DNAJC5B: variants seen among roughly 807,000 people sequenced by gnomAD.
DNAJC5B encodes dnaJ homolog subfamily C member 5B.
In DNAJC5B, 23 loss-of-function variants were observed where a neutral mutation model predicts 24.7. That is an observed-to-expected ratio of 0.93 (90% CI 0.67 to 1.32). The LOEUF (loss-of-function observed/expected upper bound fraction) is 1.32. Among genes scored for constraint, DNAJC5B ranks in the 40% most tolerant of loss-of-function variants. DNAJC5B has a pLI of 0.00. For synonymous variants in DNAJC5B, 101 were observed against 90.1 expected, an observed-to-expected ratio of 1.12 and a Z score of -0.68; for missense variants, 238 against 240.8, an observed-to-expected ratio of 0.99 and a Z score of 0.08.
At chr8:66,054,123 T>A (rs1211412831) in intron 3 of DNAJC5B, among the ~76,000 whole-genome samples, 1 of 152,064 alleles carries the variant, frequency 6.6e-6, no homozygotes, top group Non-Finnish European at 1.5e-5. Flanking sequence ...TAACACATAT[T>A]TTCAATTACT....
At chr8:66,063,743 A>G (rs1807132464) in intron 3 of DNAJC5B, among the ~76,000 whole-genome samples, 1 of 152,198 alleles carries the variant, frequency 6.6e-6, no homozygotes, top group Admixed American at 6.5e-5. Flanking sequence ...TTGGATAATT[A>G]TTTATATTAT....
At chr8:66,079,309 G>A (rs1168611351) in intron 4 of DNAJC5B, among the ~76,000 whole-genome samples, 1 of 152,168 alleles carries the variant, frequency 6.6e-6, no homozygotes, top group South Asian at 2.1e-4. Flanking sequence ...AAGATGACTA[G>A]CTGACAGTGC....
At chr8:66,045,576 T>C (rs1394409561) in intron 2 of DNAJC5B, among the ~76,000 whole-genome samples, 1 of 152,200 alleles carries the variant, frequency 6.6e-6, no homozygotes, top group Non-Finnish European at 1.5e-5. Flanking sequence ...TGCCTTTTTT[T>C]TTCATACTAG....
At chr8:66,087,909 A>C (rs908560591) in intron 5 of DNAJC5B, among the ~76,000 whole-genome samples, 2 of 152,048 alleles carry the variant, frequency 1.3e-5, no homozygotes, top group African/African-American at 2.4e-5. Context: ...CAAGCTATTG[A>C]TGGATCTACC....
chr8:66,018,157 A>C (rs7017618), upstream of DNAJC5B, among the ~76,000 whole-genome samples: 71,377 of 152,072 alleles, frequency 0.47, 21,541 homozygotes, highest in African/African-American at 0.86. Flanking sequence ...TAAAAGTGTC[A>C]AGTCTTGAGC....
intron 1 of DNAJC5B, among the ~76,000 whole-genome samples, chr8:66,021,950 AG>A (rs1430800579): frequency 6.6e-6 from 1 of 152,200 alleles, no homozygotes; most frequent in Non-Finnish European, 1.5e-5. Flanking sequence ...CCCGGATGAC[AG>A]GGTAGAGTAA....
intron 5 of DNAJC5B, among the ~76,000 whole-genome samples, chr8:66,086,184 T>G (rs1807721041): frequency 6.6e-6 from 1 of 152,212 alleles, no homozygotes; most frequent in Admixed American, 6.5e-5. Flanking sequence ...TTTGTGTGTG[T>G]GTAAATTCCT....
intron 3 of DNAJC5B, among the ~76,000 whole-genome samples, chr8:66,065,302 C>T (rs923810992): frequency 3.3e-5 from 5 of 152,226 alleles, no homozygotes; most frequent in African/African-American, 1.2e-4. Flanking sequence ...GATATTCCAT[C>T]TGCAAATGTG....
chr8:66,080,572 T>TGGGGTAGGATGAGAG, intron 5 of DNAJC5B, 24 bp downstream of exon 5: 1 of 1,565,034 alleles, frequency 6.4e-7, no homozygotes. Context: ...AGAGCAGAGG[T>TGGGGTAGGATGAGAG]AGTGAGTGTC....
At chr8:66,062,260 T>G (rs1259907596) in intron 3 of DNAJC5B, among the ~76,000 whole-genome samples, 1 of 152,248 alleles carries the variant, frequency 6.6e-6, no homozygotes, top group African/African-American at 2.4e-5. Context: ...AATAATTAGT[T>G]TGGTCACTTT....
At chr8:66,081,856 G>A (rs1465811251) in intron 5 of DNAJC5B, among the ~76,000 whole-genome samples, 2 of 152,214 alleles carry the variant, frequency 1.3e-5, no homozygotes, top group East Asian at 3.9e-4. Flanking sequence ...CAAATTGTGG[G>A]CCCATGGTGA....
intron 5 of DNAJC5B, among the ~76,000 whole-genome samples, chr8:66,083,685 T>C (rs939115671): frequency 9.2e-5 from 14 of 152,320 alleles, no homozygotes; most frequent in African/African-American, 3.4e-4. Flanking sequence ...CACAGTGAGC[T>C]GTAGGAATCT....
chr8:66,043,291 G>A (rs924289990), intron 1 of DNAJC5B, among the ~76,000 whole-genome samples, 197 bp from the exon 2 acceptor site: 9 of 152,220 alleles, frequency 5.9e-5, no homozygotes, highest in African/African-American at 2.2e-4. Flanking sequence ...CATGTAAGGA[G>A]ATGAGCTTAT....
At chr8:66,059,260 A>G (rs1807030310) in intron 3 of DNAJC5B, among the ~76,000 whole-genome samples, 1 of 152,226 alleles carries the variant, frequency 6.6e-6, no homozygotes, top group African/African-American at 2.4e-5. Context: ...CAAATATTTT[A>G]CCTGCTTCTC....
intron 1 of DNAJC5B, among the ~76,000 whole-genome samples, chr8:66,033,885 T>C (rs1806415840): frequency 6.6e-6 from 1 of 151,524 alleles, no homozygotes. Context: ...GAAAGAGAAT[T>C]TGGATGGTGT....
intron 1 of DNAJC5B, among the ~76,000 whole-genome samples, chr8:66,042,063 G>A (rs951380841): frequency 7.9e-5 from 12 of 152,046 alleles, no homozygotes; most frequent in Admixed American, 4.6e-4. Flanking sequence ...CTGATTTTAC[G>A]TTCTTGCAGC....
intron 1 of DNAJC5B, among the ~76,000 whole-genome samples, chr8:66,033,258 C>T (rs758417782): frequency 2.0e-5 from 3 of 152,336 alleles, no homozygotes; most frequent in African/African-American, 7.2e-5. Flanking sequence ...CATGTACAAC[C>T]ATGTGGGTGC....
intron 1 of DNAJC5B, among the ~76,000 whole-genome samples, chr8:66,042,098 A>G (rs1445644135): frequency 2.0e-5 from 3 of 152,052 alleles, no homozygotes; most frequent in Non-Finnish European, 4.4e-5. Context: ...TCACTTTTCC[A>G]CTTTTTTGAG....
intron 3 of DNAJC5B, chr8:66,056,866 T>G (rs112012709): frequency 6.6e-6 from 1 of 152,230 alleles, no homozygotes; most frequent in Non-Finnish European, 1.5e-5. Context: ...ATAGGCCGGG[T>G]GCGGTGGCTC....
Sources: allele counts gnomAD v4.1 joint callset (sites outside exome capture counted in the v4.1 genomes callset), GRCh38; gene constraint gnomAD v4.1.1; transcripts MANE v1.5; gene names NCBI Gene and HGNC (gene_info 2026-07-23, HGNC 2026-07-21).